Variants in CNTNAP1 observed in about 807,000 individuals in gnomAD.
The protein encoded by CNTNAP1 is contactin associated protein 1.
In CNTNAP1, 80 loss-of-function variants were observed where a neutral mutation model predicts 161.5. The observed-to-expected ratio is 0.50, with a 90% CI of 0.41 to 0.60. The LOEUF (loss-of-function observed/expected upper bound fraction) is 0.60. Among genes scored for constraint, CNTNAP1 ranks in the 20% least tolerant of loss-of-function variants. The pLI is 0.00. For synonymous variants in CNTNAP1, 695 were observed against 733.1 expected, an observed-to-expected ratio of 0.95 and a Z score of 0.84; for missense variants, 1,464 against 1,854.8, an observed-to-expected ratio of 0.79 and a Z score of 3.87.
Position 42,697,841 on chromosome 17 carries a change from C to T in CNTNAP1, c.3814+42C>T, listed in dbSNP as rs144978255. On this transcript the variant is annotated intron_variant, in intron 22 of 23. Transcript: ENST00000264638. ...CAGAGGACAGAAGGGAGGGATGACA[C>T]GGAAGGGAATGATTCTTAACATGGA... 160 of 1,614,158 alleles carry T rather than the reference C, an allele frequency of 9.9e-5. No homozygotes were observed. The East Asian group carries it at 2.1e-3, about 22-fold the overall frequency.
rs941427864 is a variant in CNTNAP1, at chr17:42,698,989, T to G, written c.*79T>G. The G allele has an allele frequency of 2.3e-6, 3 of 1,327,280 alleles. No homozygotes were observed. The highest frequency in any genetic ancestry group is 2.4e-5 in the Admixed American group (1 of 41,748). 82.2% of individuals were successfully genotyped at this position (1,327,280 alleles called of 1,614,324 possible). ...CTCTCCCCCATCCTATCAGGGACATTTGGCTCCTCTTAGCTGGCTCTGCTC... is the reference window on the plus strand; with the variant it reads ...CTCTCCCCCATCCTATCAGGGACATGTGGCTCCTCTTAGCTGGCTCTGCTC... On this transcript the variant is annotated 3_prime_UTR_variant, in exon 24 of 24. Transcript: ENST00000264638.
At chr17:42,683,248 C>A in intron 1 of CNTNAP1, 1 of 652,226 alleles carries the variant, frequency 1.5e-6, no homozygotes, top group Non-Finnish European at 2.1e-6. Context: ...TAAGGCTGGA[C>A]TTTGGAGCTG....
At position 42,695,728 on chromosome 17, in the gene CNTNAP1, G is replaced by C; in HGVS notation, c.3200G>C (p.Arg1067Pro). 5 of 1,614,150 alleles carry C rather than the reference G, an allele frequency of 3.1e-6. No individual in the cohort carries two copies. Among genetic ancestry groups the C allele is most frequent in the Non-Finnish European group, 4.2e-6 (5 of 1,180,020 alleles). ...YRLPDYPRPGRPVPGYRGPVY... is the reference protein window; with the variant it reads ...YRLPDYPRPGPPVPGYRGPVY... ...CTGCCCGACTACCCCCGGCCTGGTC[G>C]GCCTGTGCCCGGTTACCGTGGGCCT... is the stretch of plus-strand genomic sequence containing the variant. Residue 1067 changes from arginine (R) to proline (P), a missense_variant, in exon 19 of 24, where the codon CGG (arginine) becomes CCG (proline). Coordinates refer to ENST00000264638, the MANE Select transcript of CNTNAP1 (RefSeq NM_003632.3).
Position 42,687,770 on chromosome 17 carries a change from C to T in CNTNAP1, c.1095C>T (p.Phe365=). ...CLDPVPHPIN[F]GGPHNFVQVP... ...ACCCGGTACCGCACCCTATCAACTT[C>T]GGAGGCCCTCACAACTTCGTTCAAG... is the stretch of plus-strand genomic sequence containing the variant. Residue 365 remains phenylalanine (F), a synonymous_variant, in exon 8 of 24, where the codon TTC becomes TTT. Coordinates refer to ENST00000264638, the MANE Select transcript of CNTNAP1 (RefSeq NM_003632.3). The surrounding 1 kb of genome is among the most constrained non-coding windows in gnomAD (Gnocchi z 4.7). The T allele has an allele frequency of 1.9e-6, 3 of 1,614,242 alleles. No homozygotes were observed. The highest frequency in any genetic ancestry group is 2.5e-6 in the Non-Finnish European group (3 of 1,180,046).
chr17:42,688,009 A>G (rs1424704274), intron 8 of CNTNAP1, 28 bp downstream of exon 8: 4 of 1,603,528 alleles, frequency 2.5e-6, no homozygotes, highest in Non-Finnish European at 3.4e-6. Context: ...GAGGCACAAG[A>G]AGAGAAGAGA....
In CNTNAP1 at chr17:42,697,276, G is replaced by A. The variant is rs775901839; in HGVS notation, c.3477G>A (p.Val1159=). ...TRVYRNLFIQ[V]DYFPLTEQKF... ...CCCCCTCCCCCTCCCCACCTCAGGT[G>A]GACTACTTCCCACTGACAGAGCAGA... Residue 1159 remains valine (V), a splice_region_variant and synonymous_variant, in exon 21 of 24, where the codon GTG becomes GTA. Coordinates refer to ENST00000264638, the MANE Select transcript of CNTNAP1 (RefSeq NM_003632.3). 7 of 1,611,790 alleles carry A rather than the reference G, an allele frequency of 4.3e-6. No homozygotes were observed. Among genetic ancestry groups the A allele is most frequent in the African/African-American group, 1.3e-5 (1 of 74,738 alleles).
chr17:42,692,198 G>A (rs2053095960), intron 16 of CNTNAP1, among the ~76,000 whole-genome samples: 1 of 152,188 alleles, frequency 6.6e-6, no homozygotes, highest in African/African-American at 2.4e-5. Context: ...TTGGCCTTAA[G>A]CCCCTTCCTT....
In CNTNAP1 at chr17:42,690,105, T is replaced by C. The variant is rs2053065980; in HGVS notation, c.1753T>C (p.Cys585Arg). 6.2e-7 allele frequency: 1 copy of C among 1,613,778 alleles called. No homozygotes were observed. The highest frequency in any genetic ancestry group is 8.5e-7 in the Non-Finnish European group (1 of 1,179,762). Residue 585 changes from cysteine (C) to arginine (R), a missense_variant, in exon 12 of 24, where the codon TGT (cysteine) becomes CGT (arginine). Physicochemically the swap from Cys to Arg is radical, Grantham distance 180. This residue lies in a region of CNTNAP1 where 1,383 missense variants were observed against 1,765.0 expected (regional missense o/e 0.78). Coordinates refer to ENST00000264638, the MANE Select transcript of CNTNAP1 (RefSeq NM_003632.3). ...TCTGCCAGCTTTGTATAAGGAATCC[T>C]GTGAGGCTTATCGGCTCAGTGGGAA... ...TCHTPLYKESCEAYRLSGKTS... is the reference protein window; with the variant it reads ...TCHTPLYKESREAYRLSGKTS...
In CNTNAP1 at chr17:42,684,057, G is replaced by A. The variant is rs2052974131; in HGVS notation, c.191G>A (p.Arg64Gln). ...RLHGISGWSP[R>Q]IGDPNPWLQI... ...ATAGGCATAAGCGGGTGGTCACCAC[G>A]GATTGGGGATCCGAATCCCTGGCTC... The change falls in exon 3 of 24, where the codon CGG becomes CAG. Residue 64 changes from arginine to glutamine, a missense_variant. Physicochemically the swap from Arg to Gln is conservative, Grantham distance 43. Around this residue, in one of 3 missense-constraint regions of CNTNAP1, gnomAD observed 4 missense variants for 16.3 expected, o/e 0.25. Coordinates refer to ENST00000264638, the MANE Select transcript of CNTNAP1 (RefSeq NM_003632.3). The A allele has an allele frequency of 6.2e-7, 1 of 1,614,056 alleles. No individual in the cohort carries two copies. Among genetic ancestry groups the A allele is most frequent in the Non-Finnish European group, 8.5e-7 (1 of 1,180,030 alleles).
chr17:42,682,731 G>C lies in CNTNAP1; in HGVS notation c.-99G>C. The C allele has an allele frequency of 7.9e-7, 1 of 1,261,510 alleles. No individual in the cohort carries two copies. The highest frequency in any genetic ancestry group is 2.5e-5 in the East Asian group (1 of 39,534). 78.1% of individuals were successfully genotyped at this position (1,261,510 alleles called of 1,614,324 possible). ...GTGGGTAAGGAGGAGAGAGCGGTCTGCTGCAAACCCCAGGAGGAGAGCTTG... is the reference window on the plus strand; with the variant it reads ...GTGGGTAAGGAGGAGAGAGCGGTCTCCTGCAAACCCCAGGAGGAGAGCTTG... On this transcript the variant is annotated 5_prime_UTR_variant, in exon 1 of 24. Coordinates refer to ENST00000264638, the MANE Select transcript of CNTNAP1 (RefSeq NM_003632.3).
chr17:42,697,245 C>G lies in CNTNAP1; in HGVS notation c.3475-29C>G, dbSNP rs751882756. ...CTGCTTCTGGTCCCCGCTCCCTCAT[C>G]GCCCTCCCCCTCCCCCTCCCCACCT... is the stretch of plus-strand genomic sequence containing the variant. On this transcript the variant is annotated intron_variant, in intron 20 of 23. Transcript: ENST00000264638. 9.2e-6 allele frequency: 14 copies of G among 1,517,948 alleles called. No individual in the cohort carries two copies. The Middle Eastern group carries it at 5.1e-4, about 55-fold the overall frequency. 94.0% of individuals were successfully genotyped at this position (1,517,948 alleles called of 1,614,324 possible).
chr17:42,688,459 C>T lies in CNTNAP1; in HGVS notation c.1307-3C>T. The T allele has an allele frequency of 1.2e-6, 2 of 1,614,192 alleles. No individual in the cohort carries two copies. Among genetic ancestry groups the T allele is most frequent in the Non-Finnish European group, 1.7e-6 (2 of 1,180,042 alleles). ...ACCCACACCATCATCCATTCTTGTCCAGGGTACCGACTGAATGACGGCTTT... is the reference window on the plus strand; with the variant it reads ...ACCCACACCATCATCCATTCTTGTCTAGGGTACCGACTGAATGACGGCTTT... On this transcript the variant is annotated splice_region_variant and splice_polypyrimidine_tract_variant and intron_variant, in intron 8 of 23. Coordinates refer to ENST00000264638, the MANE Select transcript of CNTNAP1 (RefSeq NM_003632.3).
Position 42,687,968 on chromosome 17 carries a change from T to C in CNTNAP1, c.1293T>C (p.Leu431=). The change falls in exon 8 of 24, where the codon CTT becomes CTC. Residue 431 remains leucine, a synonymous_variant. Coordinates refer to ENST00000264638, the MANE Select transcript of CNTNAP1 (RefSeq NM_003632.3). This position sits in a 1 kb window ranked among gnomAD's most constrained non-coding sequence, Gnocchi z 4.7. ...VSIAQSGRKK[L]QFAAGYRLND... ...TCGCGCAGAGCGGCCGAAAGAAGCT[T>C]CAGTTCGCTGCTGGTGAGGGCGTTT... 6.2e-7 allele frequency: 1 copy of C among 1,613,034 alleles called. No individual in the cohort carries two copies. Among genetic ancestry groups the C allele is most frequent in the Non-Finnish European group, 8.5e-7 (1 of 1,179,346 alleles).
At chr17:42,684,260 G>C in intron 3 of CNTNAP1, 31 bp downstream of exon 3, 1 of 1,591,834 alleles carries the variant, frequency 6.3e-7, no homozygotes, top group Non-Finnish European at 8.6e-7. Context: ...GTAACACTTG[G>C]GGAGCTTCCT....
Position 42,698,624 on chromosome 17 carries a change from T to G in CNTNAP1, c.3869T>G (p.Val1290Gly), listed in dbSNP as rs35100530. The G allele has an allele frequency of 1.2e-5, 19 of 1,595,368 alleles. No individual in the cohort carries two copies. The East Asian group carries it at 3.6e-4, about 30-fold the overall frequency. ...GWVAILLGFL[V>G]AFLLLGLVGM... ...TCCCTTTTCTTCTTTTCAGTTTTGG[T>G]GGCCTTTCTGCTGCTGGGGCTGGTG... is the stretch of plus-strand genomic sequence containing the variant. Residue 1290 changes from valine (V) to glycine (G), a missense_variant, in exon 24 of 24, where the codon GTG (valine) becomes GGG (glycine). Val to Gly is a moderately radical substitution (Grantham distance 109). Around this residue, in one of 3 missense-constraint regions of CNTNAP1, gnomAD observed 1,383 missense variants for 1,765.0 expected, o/e 0.78. Coordinates refer to ENST00000264638, the MANE Select transcript of CNTNAP1 (RefSeq NM_003632.3).
At chr17:42,689,803 C>T in intron 11 of CNTNAP1, 176 bp downstream of exon 11, 2 of 608,310 alleles carry the variant, frequency 3.3e-6, no homozygotes. Flanking sequence ...TGCAGTGGTG[C>T]CATCTGGGCT....
chr17:42,688,939 T>A lies in CNTNAP1; in HGVS notation c.1520T>A (p.Met507Lys). Residue 507 changes from methionine to lysine, a missense_variant, in exon 10 of 24, where the codon ATG becomes AAG. Met to Lys is a moderately conservative substitution (Grantham distance 95). Coordinates refer to ENST00000264638, the MANE Select transcript of CNTNAP1 (RefSeq NM_003632.3). ...AACCAGACGGCATTCCATGGCTGCA[T>A]GGAGCTGCTCAAGGTGGATGGTCAA... ...HSNQTAFHGC[M>K]ELLKVDGQLV... 4 of 1,613,536 alleles carry A rather than the reference T, an allele frequency of 2.5e-6. No individual in the cohort carries two copies. Among genetic ancestry groups the A allele is most frequent in the Non-Finnish European group, 3.4e-6 (4 of 1,179,478 alleles).
intron 12 of CNTNAP1, among the ~76,000 whole-genome samples, chr17:42,690,414 C>G (rs2053069495): frequency 6.6e-6 from 1 of 151,434 alleles, no homozygotes; most frequent in Non-Finnish European, 1.5e-5. Context: ...TGGGAAGCTA[C>G]TCGGGAGGTT....
chr17:42,690,029 C>T lies in CNTNAP1; in HGVS notation c.1736-59C>T, dbSNP rs1011101457. On this transcript the variant is annotated intron_variant, in intron 11 of 23. Transcript: ENST00000264638. ...TGCTGGGATTACAGGCCCGAGCCGCCGCACCTGGCCAGCCCTCTAACTCTC... is the reference window on the plus strand; with the variant it reads ...TGCTGGGATTACAGGCCCGAGCCGCTGCACCTGGCCAGCCCTCTAACTCTC... 97 of 1,600,858 alleles carry T rather than the reference C, an allele frequency of 6.1e-5. No homozygotes were observed. The East Asian group carries it at 9.5e-4, about 16-fold the overall frequency.
Sources: allele counts gnomAD v4.1 joint callset (sites outside exome capture counted in the v4.1 genomes callset), GRCh38; gene constraint gnomAD v4.1.1; regional missense constraint gnomAD v4.1.1; non-coding constraint Gnocchi (gnomAD v3.1); transcripts MANE v1.5; gene names NCBI Gene and HGNC (gene_info 2026-07-23, HGNC 2026-07-21).